CCSER1: variants seen among roughly 807,000 people sequenced by gnomAD.
CCSER1 encodes the protein serine-rich coiled-coil domain-containing protein 1.
Under a neutral mutation model 82.0 loss-of-function variants are expected in CCSER1, and 41 were observed. The observed-to-expected ratio is 0.50, with a 90% CI of 0.39 to 0.65. CCSER1 has a LOEUF of 0.65. Among genes scored for constraint, CCSER1 ranks in the 30% least tolerant of loss-of-function variants. CCSER1 has a pLI of 0.00. For synonymous variants in CCSER1, 414 were observed against 383.9 expected, an observed-to-expected ratio of 1.08 and a Z score of -0.92; for missense variants, 1,119 against 1,064.2, an observed-to-expected ratio of 1.05 and a Z score of -0.72.
rs561993547 is a variant in CCSER1 at position 91,030,612 on chromosome 4, C to G, written c.2173-55338C>G. ...TTTCAATCTATGATGAAAAAGGGAA[C>G]AGGAGTTTGGTAAACTAAAACTAAG... On this transcript the variant is annotated intron_variant, in intron 9 of 10. Transcript: ENST00000509176. Among the ~76,000 whole-genome samples the G allele has an allele frequency of 6.6e-5, 10 of 152,056 alleles. No homozygotes were observed. In the South Asian group the frequency reaches 1.5e-3, roughly 22 times the overall value.
At chr4:90,889,780 ATG>A (rs1203956679) in intron 8 of CCSER1, among the ~76,000 whole-genome samples, 2 of 152,190 alleles carry the variant, frequency 1.3e-5, no homozygotes, top group Non-Finnish European at 2.9e-5. Context: ...AACAAGATAT[ATG>A]TGTATATATT....
intron 1 of CCSER1, among the ~76,000 whole-genome samples, chr4:90,300,314 G>C (rs907106237): frequency 2.0e-5 from 3 of 152,064 alleles, no homozygotes; most frequent in African/African-American, 7.2e-5. Flanking sequence ...TATTCTAAGA[G>C]CTACACCACC....
In CCSER1 at chr4:90,227,775, C is replaced by T. The variant is rs6532219; in HGVS notation, c.-41-80469C>T. 8.0e-3 allele frequency among the ~76,000 whole-genome samples: 1,212 copies of T among 152,258 alleles called. 8 individuals carry two copies. The highest frequency in any genetic ancestry group is 0.013 in the African/African-American group (558 of 41,548). On this transcript the variant is annotated intron_variant, in intron 1 of 10. Coordinates refer to ENST00000509176, the MANE Select transcript of CCSER1 (RefSeq NM_001145065.2). ...AGTCAATGGGTGCGCGCACCATGCA[C>T]GAGCCGAAGCAGGGCGAGGCATTGC...
At chr4:90,761,548 T>C (rs1388567118) in intron 7 of CCSER1, among the ~76,000 whole-genome samples, 1 of 152,204 alleles carries the variant, frequency 6.6e-6, no homozygotes, top group Non-Finnish European at 1.5e-5. Flanking sequence ...TTCGATTATT[T>C]ATTCAACTAT....
At chr4:90,453,033 A>G (rs765414395) in intron 4 of CCSER1, among the ~76,000 whole-genome samples, 13 of 152,198 alleles carry the variant, frequency 8.5e-5, no homozygotes, top group African/African-American at 1.2e-4. Context: ...TAATGTATAC[A>G]TATTGTAAAA....
intron 10 of CCSER1, among the ~76,000 whole-genome samples, chr4:91,178,432 T>C (rs1165103641): frequency 6.6e-6 from 1 of 152,142 alleles, no homozygotes; most frequent in Non-Finnish European, 1.5e-5. Context: ...ATTATTATTG[T>C]GTGAGAGTCT....
intron 5 of CCSER1, among the ~76,000 whole-genome samples, chr4:90,564,523 A>G (rs1779147604): frequency 6.6e-6 from 1 of 151,836 alleles, no homozygotes; most frequent in Non-Finnish European, 1.5e-5. Flanking sequence ...AAGTTTTGTC[A>G]TTTGATTAAT....
At chr4:91,213,719 G>T (rs1737019445) in intron 10 of CCSER1, among the ~76,000 whole-genome samples, 1 of 152,108 alleles carries the variant, frequency 6.6e-6, no homozygotes, top group Admixed American at 6.6e-5. Flanking sequence ...TGACAATAAA[G>T]TCATTGTAGC....
chr4:90,542,435 T>A (rs1468366254), intron 5 of CCSER1, among the ~76,000 whole-genome samples: 1 of 152,090 alleles, frequency 6.6e-6, no homozygotes, highest in Non-Finnish European at 1.5e-5. Context: ...CTGTTGTTGC[T>A]ATGGGATAAC....
chr4:90,937,377 G>A (rs1302385569), intron 9 of CCSER1, among the ~76,000 whole-genome samples: 2 of 151,906 alleles, frequency 1.3e-5, no homozygotes, highest in Non-Finnish European at 2.9e-5. Flanking sequence ...TTTTGGTCTT[G>A]TCATGTTACA....
intron 4 of CCSER1, among the ~76,000 whole-genome samples, chr4:90,432,736 T>G (rs1758462730): frequency 6.6e-6 from 1 of 152,146 alleles, no homozygotes; most frequent in African/African-American, 2.4e-5. Context: ...ACTATGGGTA[T>G]GTGTCACCCT....
In CCSER1 at chr4:90,264,444, T is replaced by C. The variant is rs116291572; in HGVS notation, c.-41-43800T>C. 7.1e-3 allele frequency among the ~76,000 whole-genome samples: 1,077 copies of C among 152,256 alleles called. 6 individuals carry two copies. Among genetic ancestry groups the C allele is most frequent in the Non-Finnish European group, 0.01 (708 of 68,000 alleles). On this transcript the variant is annotated intron_variant, in intron 1 of 10. Coordinates refer to ENST00000509176, the MANE Select transcript of CCSER1 (RefSeq NM_001145065.2). ...GAAAAATTTCATTGGCTATTAACTT[T>C]ATAAAAAGTTAGTTTATTACAGAAT...
intron 10 of CCSER1, among the ~76,000 whole-genome samples, chr4:91,110,867 ATATAT>A (rs1726038685): frequency 6.8e-6 from 1 of 146,098 alleles, no homozygotes; most frequent in African/African-American, 2.5e-5. Context: ...TTTGCCTTTC[ATATAT>A]TATATTTTGG....
intron 1 of CCSER1, among the ~76,000 whole-genome samples, chr4:90,171,519 C>A (rs889704693): frequency 6.6e-6 from 1 of 151,866 alleles, no homozygotes; most frequent in Non-Finnish European, 1.5e-5. Context: ...TGTAATCTGA[C>A]AGTGTAACTT....
intron 10 of CCSER1, among the ~76,000 whole-genome samples, chr4:91,159,114 AT>A (rs1408137666): frequency 1.3e-5 from 2 of 151,876 alleles, no homozygotes; most frequent in African/African-American, 4.8e-5. Context: ...AACATTTGAG[AT>A]GTTACTAACA....
chr4:90,206,889 G>C (rs534205638), intron 1 of CCSER1, among the ~76,000 whole-genome samples: 4 of 152,034 alleles, frequency 2.6e-5, no homozygotes, highest in African/African-American at 9.7e-5. Flanking sequence ...ATATATTTAG[G>C]ATAGTTAGCT....
At chr4:91,348,995 G>T (rs1298809034) in intron 10 of CCSER1, among the ~76,000 whole-genome samples, 1 of 151,896 alleles carries the variant, frequency 6.6e-6, no homozygotes, top group Non-Finnish European at 1.5e-5. Context: ...TGCAAGCTCC[G>T]CCTCCCGGGT....
At chr4:90,351,669 T>C (rs1743462474) in intron 3 of CCSER1, among the ~76,000 whole-genome samples, 1 of 152,206 alleles carries the variant, frequency 6.6e-6, no homozygotes, top group African/African-American at 2.4e-5. Flanking sequence ...GTAGCAATGA[T>C]TGACTCTGGA....
intron 10 of CCSER1, among the ~76,000 whole-genome samples, chr4:91,419,913 A>C (rs1440033409): frequency 6.6e-6 from 1 of 152,058 alleles, no homozygotes; most frequent in East Asian, 1.9e-4. Flanking sequence ...TATAGTCAAA[A>C]AAGCTTTGAC....
Sources: gnomAD v4.1 joint callset for allele counts (sites outside exome capture counted in the v4.1 genomes callset) on GRCh38, gnomAD v4.1.1 for gene constraint, MANE v1.5 for transcripts, NCBI Gene and HGNC (gene_info 2026-07-23, HGNC 2026-07-21) for gene names.